Variants in SH2D4A observed in about 807,000 individuals in gnomAD.
The protein encoded by SH2D4A is SH2 domain-containing protein 4A.
SH2D4A carries 70 observed loss-of-function variants against 64.7 expected under a neutral mutation model. The ratio of observed to expected loss-of-function variants is 1.08; its 90% CI spans 0.89 to 1.32. The LOEUF (loss-of-function observed/expected upper bound fraction) is 1.32. SH2D4A is among the 40% of genes most tolerant of loss of function. The probability of loss-of-function intolerance (pLI) is 0.00; values close to 1 mark genes in which losing one functional copy is unlikely to be tolerated. For missense variants in SH2D4A, 706 were observed against 540.1 expected, an observed-to-expected ratio of 1.31 and a Z score of -3.04; for synonymous variants, 268 against 200.7, an observed-to-expected ratio of 1.34 and a Z score of -2.83.
In SH2D4A at chr8:19,367,681, C is replaced by G. The variant is rs377663999; in HGVS notation, c.917+3399C>G. 4.3e-4 allele frequency among the ~76,000 whole-genome samples: 65 copies of G among 152,208 alleles called. 1 individual carries two copies. Among genetic ancestry groups the G allele is most frequent in the East Asian group, 3.5e-3 (18 of 5,186 alleles). On this transcript the variant is annotated intron_variant, in intron 7 of 9. Coordinates refer to ENST00000265807, the MANE Select transcript of SH2D4A (RefSeq NM_022071.4). ...CCTTTCTGTAACTTGTCTCTTTACTCTGTTGATTGTTTCCTTTGCTGCAGC... is the reference window on the plus strand; with the variant it reads ...CCTTTCTGTAACTTGTCTCTTTACTGTGTTGATTGTTTCCTTTGCTGCAGC...
In SH2D4A at chr8:19,364,178, G is replaced by C. The variant is rs1420899660; in HGVS notation, c.813G>C (p.Glu271Asp). Residue 271 changes from glutamate to aspartate, a missense_variant, in exon 7 of 10, where the codon GAG (glutamate) becomes GAC (aspartate). Transcript: ENST00000265807. ...GGGCCCAGAAAGGAAGAGGCGGTGA[G>C]AGGCTGCAAAGCCCCTTGCGTGTTC... The part of the protein sequence containing the change: ...SLGAQKGRGG[E>D]RLQSPLRVPQ... 1.2e-6 allele frequency: 2 copies of C among 1,614,142 alleles called. No homozygotes were observed. Among genetic ancestry groups the C allele is most frequent in the Non-Finnish European group, 1.7e-6 (2 of 1,180,008 alleles).
intron 8 of SH2D4A, among the ~76,000 whole-genome samples, chr8:19,382,651 T>C (rs955095304): frequency 2.6e-5 from 4 of 152,108 alleles, no homozygotes; most frequent in Admixed American, 6.6e-5. Flanking sequence ...TCTCAACTTA[T>C]GCTGGGTTTA....
intron 1 of SH2D4A, among the ~76,000 whole-genome samples, chr8:19,315,075 T>TAA (rs34808842): frequency 6.6e-6 from 1 of 151,746 alleles, no homozygotes; most frequent in African/African-American, 2.4e-5. Flanking sequence ...GGTTTTTACG[T>TAA]AAAAAAAACC....
At chr8:19,347,740 T>G (rs1321349509) in intron 4 of SH2D4A, among the ~76,000 whole-genome samples, 1 of 152,100 alleles carries the variant, frequency 6.6e-6, no homozygotes, top group Non-Finnish European at 1.5e-5. Context: ...GAACCAAACA[T>G]CTGGGATTCA....
chr8:19,394,330 T>A (rs1408266648), intron 9 of SH2D4A, among the ~76,000 whole-genome samples: 1 of 152,196 alleles, frequency 6.6e-6, no homozygotes, highest in East Asian at 1.9e-4. Flanking sequence ...TGGGGACCCC[T>A]GACCTATGAG....
chr8:19,350,195 G>A (rs2052678123), intron 4 of SH2D4A, among the ~76,000 whole-genome samples: 1 of 152,000 alleles, frequency 6.6e-6, no homozygotes, highest in Non-Finnish European at 1.5e-5. Context: ...GCTCCTTCAT[G>A]GATCCTATTT....
At chr8:19,342,479 T>A (rs1010101718) in intron 4 of SH2D4A, among the ~76,000 whole-genome samples, 1 of 152,248 alleles carries the variant, frequency 6.6e-6, no homozygotes, top group African/African-American at 2.4e-5. Context: ...CGGGCAGATT[T>A]GCCTTAGTGC....
intron 4 of SH2D4A, among the ~76,000 whole-genome samples, chr8:19,340,804 C>T (rs1430536442): frequency 6.6e-6 from 1 of 151,788 alleles, no homozygotes; most frequent in Non-Finnish European, 1.5e-5. Flanking sequence ...CACTGTGTTG[C>T]CCAGGCTGGT....
intron 9 of SH2D4A, among the ~76,000 whole-genome samples, 161 bp downstream of exon 9, chr8:19,393,702 A>G (rs1371081070): frequency 6.6e-6 from 1 of 152,216 alleles, no homozygotes; most frequent in Non-Finnish European, 1.5e-5. Context: ...CAGGATTGTT[A>G]ATCACATTTC....
At chr8:19,334,978 GC>G in intron 4 of SH2D4A, 121 bp downstream of exon 4, 1 of 1,197,562 alleles carries the variant, frequency 8.4e-7, no homozygotes, top group Non-Finnish European at 1.1e-6. Flanking sequence ...TGGGAGAAAT[GC>G]CTCCTAACTT....
At chr8:19,339,753 A>C (rs962269716) in intron 4 of SH2D4A, among the ~76,000 whole-genome samples, 2 of 152,088 alleles carry the variant, frequency 1.3e-5, no homozygotes, top group African/African-American at 4.8e-5. Flanking sequence ...CTCCCACCTC[A>C]GCCACCCAAA....
intron 1 of SH2D4A, among the ~76,000 whole-genome samples, chr8:19,317,650 A>G (rs984386491): frequency 6.6e-6 from 1 of 152,154 alleles, no homozygotes; most frequent in Non-Finnish European, 1.5e-5. Flanking sequence ...ACGGAAGAGG[A>G]GGAAGACGGG....
At chr8:19,330,051 A>G (rs2052346149) in intron 2 of SH2D4A, among the ~76,000 whole-genome samples, 1 of 152,184 alleles carries the variant, frequency 6.6e-6, no homozygotes, top group South Asian at 2.1e-4. Context: ...GGTTACTTGC[A>G]GGGGAATGGG....
At chr8:19,393,858 T>C (rs1050355403) in intron 9 of SH2D4A, among the ~76,000 whole-genome samples, 1 of 152,198 alleles carries the variant, frequency 6.6e-6, no homozygotes, top group Non-Finnish European at 1.5e-5. Context: ...GACACCAGTT[T>C]CCTGGATGAC....
chr8:19,377,538 G>A (rs1404886912), intron 8 of SH2D4A, among the ~76,000 whole-genome samples: 1 of 152,076 alleles, frequency 6.6e-6, no homozygotes, highest in East Asian at 1.9e-4. Context: ...AAAATATACA[G>A]TATTGTGTTT....
chr8:19,388,903 G>A (rs916505402), intron 8 of SH2D4A, among the ~76,000 whole-genome samples: 1 of 152,176 alleles, frequency 6.6e-6, no homozygotes, highest in Non-Finnish European at 1.5e-5. Flanking sequence ...AGTGGGGGAG[G>A]GCAGGACAGT....
intron 4 of SH2D4A, among the ~76,000 whole-genome samples, chr8:19,345,855 G>T (rs1005967089): frequency 2.6e-5 from 4 of 152,174 alleles, no homozygotes; most frequent in African/African-American, 9.7e-5. Context: ...AAGAATGGAA[G>T]ACTTGCCCCA....
chr8:19,364,704 G>A (rs568381062), intron 7 of SH2D4A, among the ~76,000 whole-genome samples: 1 of 152,134 alleles, frequency 6.6e-6, no homozygotes, highest in East Asian at 1.9e-4. Flanking sequence ...GAACCCAAAG[G>A]CTTGCTGACT....
intron 2 of SH2D4A, among the ~76,000 whole-genome samples, chr8:19,330,555 C>T (rs778538620): frequency 2.1e-4 from 32 of 152,116 alleles, no homozygotes; most frequent in Non-Finnish European, 4.4e-4. Context: ...TTTGAAGCCC[C>T]AACTGCTCAC....
Sources: allele counts gnomAD v4.1 joint callset (sites outside exome capture counted in the v4.1 genomes callset), GRCh38; gene constraint gnomAD v4.1.1; transcripts MANE v1.5; gene names NCBI Gene and HGNC (gene_info 2026-07-23, HGNC 2026-07-21).